KIAA0232: variants seen among roughly 807,000 people sequenced by gnomAD.
KIAA0232 encodes the protein KIAA0232.
Under a neutral mutation model 122.0 loss-of-function variants are expected in KIAA0232, and 27 were observed. That is an observed-to-expected ratio of 0.22 (90% CI 0.16 to 0.31). The LOEUF is 0.31. Ranked by LOEUF, KIAA0232 falls within the 10% of genes least tolerant of loss-of-function variation. The pLI is 1.00. For synonymous variants in KIAA0232, 613 were observed against 587.6 expected, an observed-to-expected ratio of 1.04 and a Z score of -0.63; for missense variants, 1,551 against 1,634.2, an observed-to-expected ratio of 0.95 and a Z score of 0.88.
intron 2 of KIAA0232, among the ~76,000 whole-genome samples, chr4:6,821,286 A>C (rs1718409159): frequency 6.6e-6 from 1 of 152,036 alleles, no homozygotes; most frequent in South Asian, 2.1e-4. Flanking sequence ...TAAGTCCTTT[A>C]GTGGTGATTT....
At chr4:6,823,368 T>C (rs1367610183) in intron 2 of KIAA0232, among the ~76,000 whole-genome samples, 3 of 152,182 alleles carry the variant, frequency 2.0e-5, no homozygotes, top group Non-Finnish European at 4.4e-5. Context: ...ACCTCCACAA[T>C]GGTTGAACTA....
At chr4:6,873,734 A>G (rs1261183914) in intron 8 of KIAA0232, among the ~76,000 whole-genome samples, 5 of 152,172 alleles carry the variant, frequency 3.3e-5, no homozygotes, top group Non-Finnish European at 5.9e-5. Context: ...GTGAAGTGGT[A>G]TATAGAGAAA....
At chr4:6,880,317 G>C (rs9790587) in intron 9 of KIAA0232, among the ~76,000 whole-genome samples, 1,301 of 6,218 alleles carry the variant, frequency 0.21, 171 homozygotes, top group African/African-American at 0.34. Context: ...CTGTAGTGTC[G>C]CCTCACCATC....
Position 6,859,103 on chromosome 4 carries a change from A to T in KIAA0232, c.518+597A>T, listed in dbSNP as rs1183268488. Among the ~76,000 whole-genome samples, 10 of 57,332 alleles carry T rather than the reference A, an allele frequency of 1.7e-4. No homozygotes were observed. In the South Asian group the frequency reaches 5.3e-3, roughly 31 times the overall value. The allele number at this position is 57,332 out of a possible 152,430, so 37.6% of individuals were successfully genotyped here. A position where few individuals can be genotyped will look rare whatever the true frequency, so the allele number is the denominator to read the frequency against. ...ACAGAGCGAGACTCTGTCTTATTAAAAAAAAAAAAAAAAAAAAAAACAAGA... is the reference window on the plus strand; with the variant it reads ...ACAGAGCGAGACTCTGTCTTATTAATAAAAAAAAAAAAAAAAAAAACAAGA... On this transcript the variant is annotated intron_variant, in intron 6 of 9. Coordinates refer to ENST00000307659, the MANE Select transcript of KIAA0232 (RefSeq NM_014743.3).
intron 3 of KIAA0232, among the ~76,000 whole-genome samples, chr4:6,826,215 G>T (rs1718676464): frequency 6.6e-6 from 1 of 152,166 alleles, no homozygotes; most frequent in African/African-American, 2.4e-5. Context: ...CTTGCTTCCA[G>T]GTTGCTTGCT....
chr4:6,845,235 G>A (rs910486244), intron 4 of KIAA0232, among the ~76,000 whole-genome samples: 2 of 152,240 alleles, frequency 1.3e-5, no homozygotes, highest in East Asian at 1.9e-4. Flanking sequence ...GATTTGATAA[G>A]CCCTGGTGAG....
In KIAA0232 at chr4:6,806,737, CAAAAAAAAAAAAA is replaced by C. The variant is rs34146483; in HGVS notation, c.-270+2145_-270+2157del. 3.8e-3 allele frequency among the ~76,000 whole-genome samples: 179 copies of C among 47,684 alleles called. 2 individuals are homozygous for C. Among genetic ancestry groups the C allele is most frequent in the African/African-American group, 0.014 (171 of 12,012 alleles). 31.3% of individuals were successfully genotyped at this position (47,684 alleles called of 152,430 possible). ...TGACAGAGCTAGATAGACTCCCTCT[CAAAAAAAAAAAAA>C]AAAAAAAAAAAAAGAATTAAAACAA... On this transcript the variant is annotated intron_variant, in intron 2 of 9. Coordinates refer to ENST00000307659, the MANE Select transcript of KIAA0232 (RefSeq NM_014743.3).
chr4:6,830,304 C>G (rs1243753441), intron 3 of KIAA0232, among the ~76,000 whole-genome samples: 3 of 151,510 alleles, frequency 2.0e-5, no homozygotes, highest in Non-Finnish European at 4.4e-5. Flanking sequence ...GTTTAAAAAA[C>G]TTGAAATATC....
At chr4:6,792,828 C>T (rs1275306270) in intron 1 of KIAA0232, among the ~76,000 whole-genome samples, 2 of 151,644 alleles carry the variant, frequency 1.3e-5, no homozygotes, top group Non-Finnish European at 2.9e-5. Context: ...TAGCTGGGAC[C>T]ACAGGTGCCC....
At chr4:6,816,455 T>G (rs1344665093) in intron 2 of KIAA0232, among the ~76,000 whole-genome samples, 15 of 152,134 alleles carry the variant, frequency 9.9e-5, no homozygotes, top group Admixed American at 7.2e-4. Context: ...GCTAATTTTT[T>G]TGTATTTTAG....
intron 1 of KIAA0232, among the ~76,000 whole-genome samples, chr4:6,798,402 GC>G (rs1717231492): frequency 6.6e-6 from 1 of 152,186 alleles, no homozygotes; most frequent in Non-Finnish European, 1.5e-5. Flanking sequence ...GCCATCCCCT[GC>G]TCCTCACCTG....
chr4:6,783,946 T>C (rs755759681), intron 1 of KIAA0232, among the ~76,000 whole-genome samples: 1 of 152,186 alleles, frequency 6.6e-6, no homozygotes, highest in Non-Finnish European at 1.5e-5. Flanking sequence ...TGCTTCGTCT[T>C]GCCCTAGAAT....
intron 1 of KIAA0232, among the ~76,000 whole-genome samples, chr4:6,786,674 G>A (rs1252626068): frequency 6.6e-6 from 1 of 152,130 alleles, no homozygotes; most frequent in Non-Finnish European, 1.5e-5. Flanking sequence ...TTACTATGTT[G>A]AATATAGTTA....
chr4:6,811,654 A>G (rs1717881958), intron 2 of KIAA0232, among the ~76,000 whole-genome samples: 1 of 151,808 alleles, frequency 6.6e-6, no homozygotes, highest in Non-Finnish European at 1.5e-5. Flanking sequence ...CATGTTGCCC[A>G]GGCTGGTCTT....
chr4:6,841,046 G>T lies in KIAA0232; in HGVS notation c.232-1021G>T, dbSNP rs959270029. Reference sequence around the variant, plus strand: ...TAAAGAACAGAATGCAAACAAGTGTGTGTGATATATACTGTTGTTTATGTA... The same window carrying T: ...TAAAGAACAGAATGCAAACAAGTGTTTGTGATATATACTGTTGTTTATGTA... On this transcript the variant is annotated intron_variant, in intron 3 of 9. Coordinates refer to ENST00000307659, the MANE Select transcript of KIAA0232 (RefSeq NM_014743.3). Among the ~76,000 whole-genome samples, 4 of 152,282 alleles carry T rather than the reference G, an allele frequency of 2.6e-5. No homozygotes were observed. In the South Asian group the frequency reaches 8.3e-4, roughly 32 times the overall value.
intron 1 of KIAA0232, among the ~76,000 whole-genome samples, chr4:6,786,992 C>A (rs1716652315): frequency 6.6e-6 from 1 of 151,968 alleles, no homozygotes; most frequent in Non-Finnish European, 1.5e-5. Context: ...ACCATCCTGG[C>A]CAACATGGTG....
intron 3 of KIAA0232, among the ~76,000 whole-genome samples, chr4:6,825,947 C>G (rs1007829515): frequency 7.2e-5 from 11 of 152,136 alleles, no homozygotes; most frequent in African/African-American, 2.2e-4. Context: ...GAGGATTTCA[C>G]CAAGATGCTT....
intron 1 of KIAA0232, among the ~76,000 whole-genome samples, chr4:6,792,402 C>T (rs997270859): frequency 3.3e-5 from 5 of 152,034 alleles, no homozygotes; most frequent in Non-Finnish European, 7.4e-5. Flanking sequence ...AATTGACCAA[C>T]AAGTTTCTAA....
At chr4:6,830,227 A>T (rs140244785) in intron 3 of KIAA0232, among the ~76,000 whole-genome samples, 299 of 152,216 alleles carry the variant, frequency 2.0e-3, no homozygotes, top group African/African-American at 6.8e-3. Context: ...TCATAAGTGG[A>T]GATAGTGACA....
Sources: allele counts gnomAD v4.1 joint callset (sites outside exome capture counted in the v4.1 genomes callset), GRCh38; gene constraint gnomAD v4.1.1; transcripts MANE v1.5; gene names NCBI Gene and HGNC (gene_info 2026-07-23, HGNC 2026-07-21).